Variants in DMKN observed in about 807,000 individuals in gnomAD.
DMKN encodes the protein dermokine.
In DMKN, 58 loss-of-function variants were observed where a neutral mutation model predicts 67.6. The ratio of observed to expected loss-of-function variants is 0.86; its 90% CI spans 0.69 to 1.07. The LOEUF is 1.07. DMKN is among the 50% of genes least tolerant of loss of function. The pLI is 0.00. For synonymous variants in DMKN, 240 were observed against 232.3 expected, an observed-to-expected ratio of 1.03 and a Z score of -0.30; for missense variants, 596 against 601.5, an observed-to-expected ratio of 0.99 and a Z score of 0.10.
chr19:35,504,143 G>T (rs185392370), intron 9 of DMKN, among the ~76,000 whole-genome samples: 1 of 152,236 alleles, frequency 6.6e-6, no homozygotes, highest in Admixed American at 6.5e-5. Context: ...TCCCTCGACT[G>T]CCGCCCTAGA....
At chr19:35,499,936 A>G (rs1159874960) in intron 13 of DMKN, 22 bp downstream of exon 13, 2 of 1,613,288 alleles carry the variant, frequency 1.2e-6, no homozygotes, top group Non-Finnish European at 1.7e-6. Context: ...CAGCGGGAAG[A>G]CAGGGTGGTT....
At chr19:35,510,397 G>A (rs1222713251) in intron 5 of DMKN, 145 bp from the exon 6 acceptor site, 1 of 1,552,290 alleles carries the variant, frequency 6.4e-7, no homozygotes, top group Non-Finnish European at 8.7e-7. Context: ...TCTTTAGCCT[G>A]TTGGTCGCTG....
chr19:35,506,068 G>A (rs946530627), intron 7 of DMKN, 82 bp from the exon 8 acceptor site: 1 of 1,610,066 alleles, frequency 6.2e-7, no homozygotes. Context: ...CAGGAGGGGA[G>A]GCGAGGATTG....
At chr19:35,507,561 G>A in intron 7 of DMKN, 4 of 1,486,016 alleles carry the variant, frequency 2.7e-6, no homozygotes, top group Non-Finnish European at 2.8e-6. Context: ...AGGCGGGCAG[G>A]GGGACGAGAG....
chr19:35,506,191 T>G lies in DMKN; in HGVS notation c.1039-205A>C, dbSNP rs1318647150. 3 of 1,511,464 alleles carry G rather than the reference T, an allele frequency of 2.0e-6. No homozygotes were observed. In the East Asian group the frequency reaches 7.4e-5, roughly 37 times the overall value. The allele number at this position is 1,511,464 out of a possible 1,614,324, so 93.6% of individuals were successfully genotyped here. On this transcript the variant is annotated intron_variant, in intron 7 of 15. Coordinates refer to ENST00000339686, the MANE Select transcript of DMKN (RefSeq NM_033317.5). The stretch of plus-strand genomic sequence containing the variant: ...CCCCAGCTCGACCCTTGCCCCTGGG[T>G]GGGGAAAAGGGGGACCGATGTCCAA...
chr19:35,507,984 G>A, intron 7 of DMKN: 1 of 562,584 alleles, frequency 1.8e-6, no homozygotes, highest in Non-Finnish European at 3.1e-6. Context: ...AGAGTAGACT[G>A]GCTGGTCCCC....
chr19:35,512,152 T>C (rs7409237), intron 3 of DMKN, among the ~76,000 whole-genome samples: 37,202 of 151,900 alleles, frequency 0.24, 5,664 homozygotes, highest in African/African-American at 0.39. Flanking sequence ...CGCATGCCAC[T>C]ATGACCGGCT....
Position 35,507,623 on chromosome 19 carries a change from A to G in DMKN, c.1039-1637T>C, listed in dbSNP as rs375932401. On this transcript the variant is annotated intron_variant, in intron 7 of 15. Transcript: ENST00000339686. ...GATTCCTGAATCGGGGGACTGAGAC[A>G]TGAGCATGACAGAGGACTTCCCAGA... 56 of 911,732 alleles carry G rather than the reference A, an allele frequency of 6.1e-5. No homozygotes were observed. The East Asian group carries it at 9.5e-4, about 16-fold the overall frequency. The allele number at this position is 911,732 out of a possible 1,614,324, so 56.5% of individuals were successfully genotyped here.
chr19:35,512,790 C>A lies in DMKN; in HGVS notation c.427G>T (p.Glu143Ter). The change falls in exon 2 of 16, where the codon GAA becomes TAA. Residue 143 changes from glutamate (E) to a stop codon, truncating the protein, a stop_gained and splice_region_variant. Transcript: ENST00000339686. LOFTEE classifies it high-confidence loss of function. The part of the protein sequence containing the change: ...QGVPGHNGAW[E>*]TSGGHGIFGS... ...AAGATGCCATGGCCTCCAGAAGTTT[C>A]CTGCAAGAACAACATACCTGCACTT... The A allele has an allele frequency of 6.2e-7, 1 of 1,612,518 alleles. No individual in the cohort carries two copies. The highest frequency in any genetic ancestry group is 8.5e-7 in the Non-Finnish European group (1 of 1,179,778).
intron 13 of DMKN, 102 bp downstream of exon 13, chr19:35,499,856 G>A (rs2068053744): frequency 7.0e-6 from 9 of 1,292,176 alleles, no homozygotes; most frequent in Middle Eastern, 2.6e-4. Context: ...AGCGGGATCC[G>A]GCCTCCGGCA....
chr19:35,503,186 C>T, intron 9 of DMKN: 1 of 1,377,674 alleles, frequency 7.3e-7, no homozygotes, highest in Non-Finnish European at 9.6e-7. Flanking sequence ...TCAGAGTGTC[C>T]CCTTTCCACC....
intron 5 of DMKN, among the ~76,000 whole-genome samples, chr19:35,510,996 G>A (rs529808576): frequency 6.6e-6 from 1 of 152,252 alleles, no homozygotes; most frequent in African/African-American, 2.4e-5. Context: ...GTCAGCGTCC[G>A]TAGGTCTCCC....
intron 7 of DMKN, chr19:35,506,630 G>C (rs1490081007): frequency 2.2e-6 from 1 of 455,408 alleles, no homozygotes; most frequent in East Asian, 6.9e-5. Flanking sequence ...CATTTTACTG[G>C]AGGAAGCTCA....
chr19:35,510,519 C>T, intron 5 of DMKN: 2 of 1,543,634 alleles, frequency 1.3e-6, no homozygotes, highest in Non-Finnish European at 1.7e-6. Context: ...GGGTGGGAAC[C>T]CCTGGAGCCC....
At chr19:35,500,260 C>A in intron 12 of DMKN, 2 of 1,410,362 alleles carry the variant, frequency 1.4e-6, no homozygotes, top group East Asian at 5.0e-5. Flanking sequence ...CCTCCTACTC[C>A]TCCTCCTGCC....
rs1568636137 is a variant in DMKN, at chr19:35,511,465, G to GCA, written c.863_864insTG (p.Ser289AlafsTer89). The GCA allele has an allele frequency of 4.5e-6, 5 of 1,117,138 alleles. No homozygotes were observed. In the African/African-American group the frequency reaches 8.9e-5, roughly 20 times the overall value. 69.2% of individuals were successfully genotyped at this position (1,117,138 alleles called of 1,614,324 possible). On this transcript the variant is annotated frameshift_variant, in exon 5 of 16. Transcript: ENST00000339686. LOFTEE classifies it high-confidence loss of function. ...TGCTGCCACCACTGTTGCCACTGCT[G>GCA]CCACCACTGCTGCCGCCACTGCTGC...
At chr19:35,509,756 C>T in intron 7 of DMKN, 155 bp downstream of exon 7, 1 of 806,084 alleles carries the variant, frequency 1.2e-6, no homozygotes, top group Non-Finnish European at 2.0e-6. Context: ...AAATCGTTAG[C>T]ATTTTTAGGA....
chr19:35,510,448 G>A, intron 5 of DMKN, 196 bp from the exon 6 acceptor site: 1 of 1,552,176 alleles, frequency 6.4e-7, no homozygotes, highest in South Asian at 1.2e-5. Context: ...AGGTGTGGCC[G>A]AGGGTATTCG....
intron 8 of DMKN, 63 bp downstream of exon 8, chr19:35,505,875 TG>T: frequency 1.2e-6 from 2 of 1,613,892 alleles, no homozygotes; most frequent in Non-Finnish European, 1.7e-6. Context: ...CCCCAGACTG[TG>T]GGGCCAAGGG....
Sources: gnomAD v4.1 joint callset for allele counts (sites outside exome capture counted in the v4.1 genomes callset) on GRCh38, gnomAD v4.1.1 for gene constraint, MANE v1.5 for transcripts, NCBI Gene and HGNC (gene_info 2026-07-23, HGNC 2026-07-21) for gene names.